The following CSNK1G1 variants were observed in gnomAD, a reference collection of about 807,000 sequenced individuals.
CSNK1G1 encodes the protein casein kinase I isoform gamma-1.
CSNK1G1 carries 22 observed loss-of-function variants against 59.6 expected under a neutral mutation model. That is an observed-to-expected ratio of 0.37 (90% CI 0.26 to 0.53). The LOEUF is 0.53. Among genes scored for constraint, CSNK1G1 ranks in the 20% least tolerant of loss-of-function variants. CSNK1G1 has a pLI of 0.89. For missense variants in CSNK1G1, 384 were observed against 519.5 expected (o/e 0.74, Z 2.54); for synonymous variants, 179 against 177.1 (o/e 1.01, Z -0.08).
chr15:64,319,878 T>C (rs1896466980), intron 1 of CSNK1G1, among the ~76,000 whole-genome samples: 1 of 151,218 alleles, frequency 6.6e-6, no homozygotes, highest in Non-Finnish European at 1.5e-5. Context: ...AGAAAAATAC[T>C]GCTTGTATAA....
chr15:64,190,436 T>C (rs943313041), intron 10 of CSNK1G1, among the ~76,000 whole-genome samples: 4 of 152,218 alleles, frequency 2.6e-5, no homozygotes, highest in Non-Finnish European at 5.9e-5. Context: ...TTGGTTGAGA[T>C]AGAGTTTCAC....
intron 1 of CSNK1G1, among the ~76,000 whole-genome samples, chr15:64,314,012 CA>C (rs2140426963): frequency 6.6e-6 from 1 of 152,122 alleles, no homozygotes; most frequent in African/African-American, 2.4e-5. Context: ...GAGGGCCTCA[CA>C]AACACATGAA....
intron 2 of CSNK1G1, among the ~76,000 whole-genome samples, chr15:64,272,205 C>T (rs1257248794): frequency 2.0e-5 from 3 of 151,858 alleles, no homozygotes; most frequent in African/African-American, 7.3e-5. Context: ...ATCCAGCTTG[C>T]CACTCTGTGA....
At chr15:64,246,471 A>T (rs1891760333) in intron 4 of CSNK1G1, among the ~76,000 whole-genome samples, 1 of 152,096 alleles carries the variant, frequency 6.6e-6, no homozygotes, top group African/African-American at 2.4e-5. Context: ...AAAACTAAAA[A>T]TATTAGCCAG....
chr15:64,217,207 G>A lies in CSNK1G1; in HGVS notation c.293-494C>T, dbSNP rs182603840. ...GACTGAAGAGGCAAGGTCACAGAGC[G>A]TGCAGCCTGGCCCCAGGCCAGCACA... On this transcript the variant is annotated intron_variant, in intron 4 of 11. Transcript: ENST00000303052. Among the ~76,000 whole-genome samples, 203 of 152,350 alleles carry A rather than the reference G, an allele frequency of 1.3e-3. 2 individuals carry two copies. Among genetic ancestry groups the A allele is most frequent in the Non-Finnish European group, 2.5e-3 (168 of 68,032 alleles).
chr15:64,217,538 C>T lies in CSNK1G1; in HGVS notation c.293-825G>A, dbSNP rs548084969. 1.5e-4 allele frequency among the ~76,000 whole-genome samples: 23 copies of T among 152,094 alleles called. No individual in the cohort carries two copies. The South Asian group carries it at 2.3e-3, about 15-fold the overall frequency. On this transcript the variant is annotated intron_variant, in intron 4 of 11. Transcript: ENST00000303052. ...AGTAGATATTAAATAGGATTACAGA[C>T]GCCAGGCGCAGTGGCTCATGCCTGT...
At chr15:64,180,609 G>A (rs1381509951) in intron 10 of CSNK1G1, among the ~76,000 whole-genome samples, 155 bp from the exon 11 acceptor site, 1 of 152,174 alleles carries the variant, frequency 6.6e-6, no homozygotes, top group African/African-American at 2.4e-5. Context: ...CATATCATGC[G>A]AGAACACTAA....
chr15:64,349,533 C>T (rs906499547), intron 1 of CSNK1G1, among the ~76,000 whole-genome samples: 1 of 152,200 alleles, frequency 6.6e-6, no homozygotes, highest in Non-Finnish European at 1.5e-5. Context: ...GGGTGAGGGA[C>T]AGACTACATT....
chr15:64,305,734 T>C (rs1378800318), intron 1 of CSNK1G1, among the ~76,000 whole-genome samples: 1 of 140,966 alleles, frequency 7.1e-6, no homozygotes, highest in Non-Finnish European at 1.5e-5. Flanking sequence ...AAAAAAAACT[T>C]ACTATAAAGC....
At chr15:64,276,501 G>A (rs1030571054) in intron 2 of CSNK1G1, among the ~76,000 whole-genome samples, 15 of 151,856 alleles carry the variant, frequency 9.9e-5, no homozygotes, top group African/African-American at 3.1e-4. Context: ...CAGAACAGAC[G>A]GATCATTTAT....
At chr15:64,233,299 T>C (rs925174271) in intron 4 of CSNK1G1, among the ~76,000 whole-genome samples, 2 of 152,222 alleles carry the variant, frequency 1.3e-5, no homozygotes, top group African/African-American at 4.8e-5. Flanking sequence ...GTCCAAAATG[T>C]GTAAAATAGA....
chr15:64,320,149 C>A (rs899044287), intron 1 of CSNK1G1, among the ~76,000 whole-genome samples: 1 of 151,912 alleles, frequency 6.6e-6, no homozygotes, highest in Non-Finnish European at 1.5e-5. Context: ...TGCTTGGCCT[C>A]CCTAAGTGCT....
chr15:64,191,690 T>C (rs146861819), intron 10 of CSNK1G1, among the ~76,000 whole-genome samples: 4 of 152,292 alleles, frequency 2.6e-5, no homozygotes, highest in African/African-American at 7.2e-5. Flanking sequence ...TAAAGATAAA[T>C]AGAAAACTAA....
intron 1 of CSNK1G1, among the ~76,000 whole-genome samples, chr15:64,327,643 C>A (rs1193927348): frequency 6.6e-6 from 1 of 151,936 alleles, no homozygotes; most frequent in South Asian, 2.1e-4. Context: ...GAACGCAGTT[C>A]CTCACCAGCA....
intron 3 of CSNK1G1, among the ~76,000 whole-genome samples, chr15:64,252,997 CAGG>C (rs1201968733): frequency 5.3e-5 from 8 of 152,102 alleles, no homozygotes; most frequent in Admixed American, 4.6e-4. Flanking sequence ...CACTGGAGAC[CAGG>C]AGTTTAAGAC....
At chr15:64,262,486 T>C (rs1457418506) in intron 2 of CSNK1G1, among the ~76,000 whole-genome samples, 2 of 152,206 alleles carry the variant, frequency 1.3e-5, no homozygotes, top group African/African-American at 4.8e-5. Flanking sequence ...TGTGATATAC[T>C]GTGGGTAGAC....
chr15:64,336,074 AC>A (rs1897374185), intron 1 of CSNK1G1, among the ~76,000 whole-genome samples: 1 of 152,140 alleles, frequency 6.6e-6, no homozygotes, highest in Non-Finnish European at 1.5e-5. Flanking sequence ...GCTATTTTTT[AC>A]CTATCTGCCT....
At chr15:64,264,537 T>TAC (rs1402417670) in intron 2 of CSNK1G1, among the ~76,000 whole-genome samples, 5 of 152,192 alleles carry the variant, frequency 3.3e-5, no homozygotes, top group Non-Finnish European at 7.4e-5. Context: ...AGTCCAGCAT[T>TAC]ACACTGATAC....
chr15:64,176,230 C>A lies in CSNK1G1; in HGVS notation c.1214+4118G>T, dbSNP rs1213637211. On this transcript the variant is annotated intron_variant, in intron 11 of 11. Coordinates refer to ENST00000303052, the MANE Select transcript of CSNK1G1 (RefSeq NM_022048.5). This position sits in a 1 kb window ranked among gnomAD's most constrained non-coding sequence, Gnocchi z 5.2. ...CAGTCCCAGCCTAGTCTGGTCCACT[C>A]CCCTTGCAATGGACTGGAGAGAGGG... is the stretch of plus-strand genomic sequence containing the variant. 2.5e-6 allele frequency: 1 copy of A among 398,878 alleles called. No individual in the cohort carries two copies. The highest frequency in any genetic ancestry group is 1.3e-4 in the South Asian group (1 of 7,854). 24.7% of individuals were successfully genotyped at this position (398,878 alleles called of 1,614,324 possible).
Sources: gnomAD v4.1 joint callset for allele counts (sites outside exome capture counted in the v4.1 genomes callset) on GRCh38, gnomAD v4.1.1 for gene constraint, Gnocchi (gnomAD v3.1) non-coding constraint, MANE v1.5 for transcripts, NCBI Gene and HGNC (gene_info 2026-07-23, HGNC 2026-07-21) for gene names.